MAP7D1: variants seen among roughly 807,000 people sequenced by gnomAD.
MAP7D1 encodes MAP7 domain-containing protein 1.
MAP7D1 carries 30 observed loss-of-function variants against 97.5 expected under a neutral mutation model. The ratio of observed to expected loss-of-function variants is 0.31; its 90% confidence interval spans 0.23 to 0.42. The LOEUF (loss-of-function observed/expected upper bound fraction) is 0.42, where lower values mean the gene tolerates loss of function less well. Among genes scored for constraint, MAP7D1 ranks in the 10% least tolerant of loss-of-function variants. The pLI, the probability that MAP7D1 is intolerant of heterozygous loss-of-function variation, is 1.00. For missense variants in MAP7D1, 1,184 were observed against 1,179.5 expected (o/e 1.00, Z -0.06); for synonymous variants, 536 against 477.1 (o/e 1.12, Z -1.61).
Position 36,156,342 on chromosome 1 carries a change from C to T in MAP7D1, c.-76C>T. ...GGGCCGGGCCGGGCGTGATGCGCCGCGGGACCCCTGTCCTGGCCACTGGCC... is the reference window on the plus strand; with the variant it reads ...GGGCCGGGCCGGGCGTGATGCGCCGTGGGACCCCTGTCCTGGCCACTGGCC... On this transcript the variant is annotated 5_prime_UTR_variant, in exon 1 of 17. Transcript: ENST00000474796. 1 of 1,288,624 alleles carries T rather than the reference C, an allele frequency of 7.8e-7. No individual in the cohort carries two copies. The highest frequency in any genetic ancestry group is 1.0e-6 in the Non-Finnish European group (1 of 974,832). 79.8% of individuals were successfully genotyped at this position (1,288,624 alleles called of 1,614,324 possible). A position where few individuals can be genotyped will look rare whatever the true frequency, so the allele number is the denominator to read the frequency against.
chr1:36,156,325 C>A lies in MAP7D1; in HGVS notation c.-93C>A. On this transcript the variant is annotated 5_prime_UTR_variant, in exon 1 of 17. Coordinates refer to ENST00000474796, the MANE Select transcript of MAP7D1 (RefSeq NM_001388490.1). Reference sequence around the variant, plus strand: ...TCGCTACTTGCCGGGCCGGGCCGGGCCGGGCGTGATGCGCCGCGGGACCCC... The same window carrying A: ...TCGCTACTTGCCGGGCCGGGCCGGGACGGGCGTGATGCGCCGCGGGACCCC... 8.8e-7 allele frequency: 1 copy of A among 1,132,152 alleles called. No individual in the cohort carries two copies. The highest frequency in any genetic ancestry group is 3.9e-5 in the Admixed American group (1 of 25,736). The allele number at this position is 1,132,152 out of a possible 1,614,324, so 70.1% of individuals were successfully genotyped here. A position where few individuals can be genotyped will look rare whatever the true frequency, so the allele number is the denominator to read the frequency against.
chr1:36,158,356 A>C (rs754376554), intron 1 of MAP7D1, among the ~76,000 whole-genome samples: 1 of 152,118 alleles, frequency 6.6e-6, no homozygotes, highest in Non-Finnish European at 1.5e-5. Context: ...TGCTCACAGC[A>C]TGTGCCCTGT....
chr1:36,161,061 G>C (rs1644402031), intron 1 of MAP7D1, among the ~76,000 whole-genome samples: 1 of 152,240 alleles, frequency 6.6e-6, no homozygotes, highest in Non-Finnish European at 1.5e-5. Flanking sequence ...ATAACAGGAA[G>C]TGGGTGCTCC....
chr1:36,158,227 T>G (rs772794423), intron 1 of MAP7D1, among the ~76,000 whole-genome samples: 60 of 152,016 alleles, frequency 3.9e-4, no homozygotes, highest in Non-Finnish European at 7.9e-4. Flanking sequence ...AGAGGACTCT[T>G]CTATACACAG....
chr1:36,157,340 C>A (rs992242705), intron 1 of MAP7D1: 1 of 152,486 alleles, frequency 6.6e-6, no homozygotes, highest in Non-Finnish European at 1.5e-5. Context: ...CATTCCCCAG[C>A]CTGAGGCTTT....
chr1:36,156,596 A>G, intron 1 of MAP7D1, 133 bp downstream of exon 1: 1 of 672,308 alleles, frequency 1.5e-6, no homozygotes, highest in Non-Finnish European at 2.2e-6. Context: ...GTTTAAAAAT[A>G]AAGGCTGCGG....
At chr1:36,158,142 AG>A (rs76839660) in intron 1 of MAP7D1, among the ~76,000 whole-genome samples, 76,236 of 148,040 alleles carry the variant, frequency 0.51, 22,848 homozygotes, top group Non-Finnish European at 0.69. Flanking sequence ...TCCTAGGGGC[AG>A]GGGGGATGTT....
rs1644670579 is a variant in MAP7D1 at position 36,178,835 on chromosome 1, G to A, written c.2025+12G>A. On this transcript the variant is annotated intron_variant, in intron 11 of 16. Coordinates refer to ENST00000474796, the MANE Select transcript of MAP7D1 (RefSeq NM_001388490.1). ...GGCTGCAGAAGCAGGTGCCCCCGGC[G>A]GGCGGGAAGCGGCTGGGCGCGGGCG... 7.8e-6 allele frequency: 12 copies of A among 1,545,222 alleles called. No individual in the cohort carries two copies. The highest frequency in any genetic ancestry group is 1.0e-5 in the Non-Finnish European group (12 of 1,144,912).
At chr1:36,171,631 C>G (rs752900197) in intron 3 of MAP7D1, 50 bp downstream of exon 3, 14 of 1,596,786 alleles carry the variant, frequency 8.8e-6, no homozygotes, top group Non-Finnish European at 1.2e-5. Flanking sequence ...TCATCAGCAT[C>G]CTATTAATAA....
chr1:36,156,602 T>A, intron 1 of MAP7D1, 139 bp downstream of exon 1: 1 of 626,694 alleles, frequency 1.6e-6, no homozygotes, highest in Non-Finnish European at 2.4e-6. Context: ...AAATAAAGGC[T>A]GCGGCGGCGG....
At chr1:36,179,067 AGGGCGGGCCAGGT>A in intron 12 of MAP7D1, 42 bp downstream of exon 12, 2 of 538,706 alleles carry the variant, frequency 3.7e-6, no homozygotes, top group Non-Finnish European at 6.2e-6. Flanking sequence ...GGGCCTGGGC[AGGGCGGGCCAGGT>A]GGGCGGGGCC....
intron 2 of MAP7D1, 50 bp from the exon 3 acceptor site, chr1:36,171,463 C>T (rs1242184913): frequency 1.2e-6 from 2 of 1,606,798 alleles, no homozygotes; most frequent in East Asian, 2.2e-5. Context: ...AGGCTGACTC[C>T]TCTTTGGGGA....
chr1:36,177,962 T>A lies in MAP7D1; in HGVS notation c.1469T>A (p.Leu490Gln), dbSNP rs1370213032. Residue 490 changes from leucine (L) to glutamine (Q), a missense_variant, in exon 9 of 17, where the codon CTG becomes CAG. Transcript: ENST00000474796. Reference protein sequence around the residue: ...PCPSPGPGHTLPPKPPSPRGT... With the variant: ...PCPSPGPGHTQPPKPPSPRGT... ...CCCAGCCCAGGGCCAGGCCACACTC[T>A]GCCTCCAAAGCCACCGTCCCCCCGA... The A allele has an allele frequency of 1.2e-6, 2 of 1,601,976 alleles. No individual in the cohort carries two copies. The highest frequency in any genetic ancestry group is 1.7e-6 in the Non-Finnish European group (2 of 1,172,282).
At chr1:36,166,497 C>T (rs191888990) in intron 1 of MAP7D1, among the ~76,000 whole-genome samples, 1 of 150,860 alleles carries the variant, frequency 6.6e-6, no homozygotes, top group Admixed American at 6.7e-5. Context: ...TCAAGCAATT[C>T]TCCTGCCTCA....
At chr1:36,166,806 T>C (rs1347072402) in intron 1 of MAP7D1, among the ~76,000 whole-genome samples, 3 of 152,092 alleles carry the variant, frequency 2.0e-5, no homozygotes, top group Non-Finnish European at 4.4e-5. Flanking sequence ...CTGATCCAAG[T>C]GATAGAAGTG....
intron 4 of MAP7D1, among the ~76,000 whole-genome samples, chr1:36,173,026 G>A (rs1309932204): frequency 1.3e-5 from 2 of 152,194 alleles, no homozygotes; most frequent in African/African-American, 4.8e-5. Context: ...AGGCTAGAGG[G>A]AACACATAGC....
Position 36,178,927 on chromosome 1 carries a change from G to A in MAP7D1, c.2032G>A (p.Glu678Lys), listed in dbSNP as rs1160357629. Reference protein sequence around the residue: ...EQERLQKQKEEAEARSREEAE... With the variant: ...EQERLQKQKEKAEARSREEAE... Reference sequence around the variant, plus strand: ...TCATGGGGGTCTTTGGCAGAAAGAGGAGGCCGAAGCTCGGTCGCGGGAAGA... The same window carrying A: ...TCATGGGGGTCTTTGGCAGAAAGAGAAGGCCGAAGCTCGGTCGCGGGAAGA... The change falls in exon 12 of 17, where the codon GAG becomes AAG. Residue 678 changes from glutamate (E) to lysine (K), a missense_variant. Transcript: ENST00000474796. 1.0e-5 allele frequency: 16 copies of A among 1,554,846 alleles called. No homozygotes were observed. Among genetic ancestry groups the A allele is most frequent in the Non-Finnish European group, 1.4e-5 (16 of 1,149,236 alleles).
chr1:36,163,883 A>C (rs540023429), intron 1 of MAP7D1, among the ~76,000 whole-genome samples: 109 of 126,654 alleles, frequency 8.6e-4, no homozygotes, highest in African/African-American at 3.3e-3. Context: ...GCTGGAGTGC[A>C]GTAGTGCAGT....
intron 1 of MAP7D1, among the ~76,000 whole-genome samples, chr1:36,169,362 C>T (rs1306624253): frequency 2.6e-5 from 4 of 151,898 alleles, no homozygotes; most frequent in Admixed American, 6.6e-5. Flanking sequence ...TGAGACCATC[C>T]TGGCTAACAC....
Sources: allele counts gnomAD v4.1 joint callset (sites outside exome capture counted in the v4.1 genomes callset), GRCh38; gene constraint gnomAD v4.1.1; transcripts MANE v1.5; gene names NCBI Gene and HGNC (gene_info 2026-07-23, HGNC 2026-07-21).